Variants in ANK3 observed in about 807,000 individuals in gnomAD.
ANK3 encodes the protein ankyrin-3.
Under a neutral mutation model 370.9 loss-of-function variants are expected in ANK3, and 57 were observed. The ratio of observed to expected loss-of-function variants is 0.15; its 90% confidence interval spans 0.12 to 0.19. ANK3 has a LOEUF of 0.19. Among genes scored for constraint, ANK3 ranks in the 10% least tolerant of loss-of-function variants. The pLI is 1.00. For synonymous variants in ANK3, 1,929 were observed against 1,946.3 expected, an observed-to-expected ratio of 0.99 and a Z score of 0.23; for missense variants, 4,439 against 5,302.1, an observed-to-expected ratio of 0.84 and a Z score of 5.06.
At chr10:60,451,750 C>T (rs796727390) in intron 2 of ANK3, among the ~76,000 whole-genome samples, 41 of 152,316 alleles carry the variant, frequency 2.7e-4, no homozygotes, top group African/African-American at 9.6e-4. Flanking sequence ...ATGTGGTTGT[C>T]TTTGGGCTGT....
At chr10:60,196,057 G>A (rs1275899136) in intron 16 of ANK3, 88 bp downstream of exon 16, 2 of 1,151,720 alleles carry the variant, frequency 1.7e-6, no homozygotes, top group South Asian at 1.4e-5. Flanking sequence ...AACTAGGAGG[G>A]TGCTCCTGCT....
At chr10:60,214,954 T>C (rs970736408) in intron 8 of ANK3, among the ~76,000 whole-genome samples, 12 of 152,230 alleles carry the variant, frequency 7.9e-5, no homozygotes, top group African/African-American at 2.4e-4. Flanking sequence ...TCCACAATGA[T>C]TGAACTAATT....
rs9178 is a variant in ANK3 at position 60,029,129 on chromosome 10, A to G, written c.*717T>C. On this transcript the variant is annotated 3_prime_UTR_variant, in exon 44 of 44. Coordinates refer to ENST00000280772, the MANE Select transcript of ANK3 (RefSeq NM_020987.5). ...AGATTTTAAAGATTTGTTTTTTTTT[A>G]AAATCAAGCTAGCAGTTTTGCATAT... is the stretch of plus-strand genomic sequence containing the variant. The G allele has an allele frequency of 6.6e-6, 1 of 152,350 alleles. No homozygotes were observed. The highest frequency in any genetic ancestry group is 6.6e-5 in the Admixed American group (1 of 15,262). 9.4% of individuals were successfully genotyped at this position (152,350 alleles called of 1,614,324 possible).
chr10:60,213,841 T>C (rs1565726642), intron 8 of ANK3, among the ~76,000 whole-genome samples: 1 of 152,124 alleles, frequency 6.6e-6, no homozygotes, highest in Non-Finnish European at 1.5e-5. Flanking sequence ...ATGAATAAAC[T>C]CTAAAATAGA....
rs181720311 is a variant in ANK3, at chr10:60,166,677, T to G, written c.2552-24A>C. The stretch of plus-strand genomic sequence containing the variant: ...AACTGCATGATTGAAGTGAACAATA[T>G]AAGTGGATGAAAAATACATACTCTT... On this transcript the variant is annotated intron_variant, in intron 22 of 43. Coordinates refer to ENST00000280772, the MANE Select transcript of ANK3 (RefSeq NM_020987.5). 6 of 1,611,314 alleles carry G rather than the reference T, an allele frequency of 3.7e-6. No homozygotes were observed. In the African/African-American group the frequency reaches 6.7e-5, roughly 18 times the overall value.
At chr10:60,291,808 G>T (rs1451885793) in intron 1 of ANK3, among the ~76,000 whole-genome samples, 1 of 151,910 alleles carries the variant, frequency 6.6e-6, no homozygotes, top group Non-Finnish European at 1.5e-5. Flanking sequence ...CACCTCCCAG[G>T]CTCAAGCAAT....
intron 25 of ANK3, among the ~76,000 whole-genome samples, chr10:60,127,815 A>C (rs1431515820): frequency 6.7e-6 from 1 of 149,788 alleles, no homozygotes; most frequent in African/African-American, 2.5e-5. Context: ...TTCCTGCTTC[A>C]GCCTCCCAAG....
intron 1 of ANK3, among the ~76,000 whole-genome samples, chr10:60,386,916 T>G (rs2062433011): frequency 6.6e-6 from 1 of 152,138 alleles, no homozygotes; most frequent in Non-Finnish European, 1.5e-5. Flanking sequence ...TCCTAGCACT[T>G]TGGGAGGCCT....
chr10:60,175,895 C>T (rs1591285002), intron 18 of ANK3, among the ~76,000 whole-genome samples: 1 of 152,288 alleles, frequency 6.6e-6, no homozygotes, highest in South Asian at 2.1e-4. Context: ...ATTGTGTTGT[C>T]ATAAGGATTA....
At chr10:60,404,618 T>C (rs1478976479) in intron 2 of ANK3, among the ~76,000 whole-genome samples, 1 of 152,090 alleles carries the variant, frequency 6.6e-6, no homozygotes, top group Non-Finnish European at 1.5e-5. Context: ...CTCTAAAGCA[T>C]TTAGAAGAAA....
intron 2 of ANK3, among the ~76,000 whole-genome samples, chr10:60,555,836 C>T (rs2077194130): frequency 6.6e-6 from 1 of 152,214 alleles, no homozygotes; most frequent in Non-Finnish European, 1.5e-5. Flanking sequence ...CCCGTGTTGT[C>T]TGTAAAGCTC....
chr10:60,371,264 C>T (rs116927416), intron 1 of ANK3, among the ~76,000 whole-genome samples: 209 of 152,114 alleles, frequency 1.4e-3, no homozygotes, highest in East Asian at 2.9e-3. Context: ...TATGAAAAAA[C>T]GCTCCACATC....
chr10:60,167,846 T>C (rs963116357), intron 21 of ANK3, among the ~76,000 whole-genome samples: 4 of 152,172 alleles, frequency 2.6e-5, no homozygotes, highest in African/African-American at 9.7e-5. Flanking sequence ...CCCCAATTAT[T>C]GTGTTGAAAT....
intron 17 of ANK3, among the ~76,000 whole-genome samples, chr10:60,181,655 A>G (rs2096192650): frequency 6.6e-6 from 1 of 152,108 alleles, no homozygotes; most frequent in Non-Finnish European, 1.5e-5. Flanking sequence ...TCTCTACAAA[A>G]ATTAGCCAGG....
At chr10:60,415,917 C>CT (rs2063653902) in intron 2 of ANK3, among the ~76,000 whole-genome samples, 1 of 66,078 alleles carries the variant, frequency 1.5e-5, no homozygotes. Flanking sequence ...TGAATTTGTG[C>CT]CCCCCACCCC....
rs1195026666 is a variant in ANK3 at position 60,069,648 on chromosome 10, T to A, written c.11233A>T (p.Ile3745Leu). ...KEGPGEITDK[I>L]EAVMTSCQGL... ...TGACAACTGGTCATCACCGCTTCTA[T>A]CTTATCTGTTATTTCTCCAGGGCCT... Residue 3745 changes from isoleucine to leucine, a missense_variant, in exon 37 of 44, where the codon ATA (isoleucine) becomes TTA (leucine). Ile to Leu is a conservative substitution (Grantham distance 5). This residue lies in a region of ANK3 where 496 missense variants were observed against 529.3 expected (regional missense o/e 0.94). Coordinates refer to ENST00000280772, the MANE Select transcript of ANK3 (RefSeq NM_020987.5). The A allele has an allele frequency of 6.2e-7, 1 of 1,614,166 alleles. No individual in the cohort carries two copies. Among genetic ancestry groups the A allele is most frequent in the South Asian group, 1.1e-5 (1 of 91,082 alleles).
At chr10:60,395,848 T>TTAGAA (rs1428287867) in intron 2 of ANK3, among the ~76,000 whole-genome samples, 3 of 152,016 alleles carry the variant, frequency 2.0e-5, no homozygotes, top group Non-Finnish European at 4.4e-5. Context: ...ACACCAATAA[T>TTAGAA]TAGAACACAC....
intron 2 of ANK3, among the ~76,000 whole-genome samples, chr10:60,472,791 G>A (rs1196796294): frequency 1.3e-5 from 2 of 152,130 alleles, no homozygotes; most frequent in East Asian, 3.9e-4. Context: ...GGTAGAAATT[G>A]ACTGAATATC....
intron 2 of ANK3, among the ~76,000 whole-genome samples, chr10:60,528,097 T>C (rs754110723): frequency 1.3e-5 from 2 of 151,086 alleles, no homozygotes; most frequent in Non-Finnish European, 3.0e-5. Flanking sequence ...ACAGCCTTTA[T>C]AAAAGTCAAT....
Sources: gnomAD v4.1 joint callset for allele counts (sites outside exome capture counted in the v4.1 genomes callset) on GRCh38, gnomAD v4.1.1 for gene constraint, gnomAD v4.1.1 regional missense constraint, MANE v1.5 for transcripts, NCBI Gene and HGNC (gene_info 2026-07-23, HGNC 2026-07-21) for gene names.